LRP1B: variants seen among roughly 807,000 people sequenced by gnomAD.
The protein encoded by LRP1B is LDL receptor related protein 1B, also known as low-density lipoprotein receptor-related protein 1B.
LRP1B carries 217 observed loss-of-function variants against 556.6 expected under a neutral mutation model. The ratio of observed to expected loss-of-function variants is 0.39; its 90% CI spans 0.35 to 0.44. LRP1B has a LOEUF of 0.44. LRP1B is among the 20% of genes least tolerant of loss of function. The pLI, the probability that LRP1B is intolerant of heterozygous loss-of-function variation, is 1.00. For missense variants in LRP1B, 5,053 were observed against 5,620.8 expected (o/e 0.90, Z 3.23); for synonymous variants, 2,047 against 1,865.8 (o/e 1.10, Z -2.50).
intron 25 of LRP1B, among the ~76,000 whole-genome samples, chr2:140,877,238 C>T (rs1164901172): frequency 6.6e-6 from 1 of 152,154 alleles, no homozygotes; most frequent in Non-Finnish European, 1.5e-5. Flanking sequence ...GCATGGACTT[C>T]AGAGTAATGT....
At chr2:140,280,477 G>A (rs544727912) in intron 84 of LRP1B, among the ~76,000 whole-genome samples, 5 of 151,716 alleles carry the variant, frequency 3.3e-5, no homozygotes, top group South Asian at 4.1e-4. Flanking sequence ...TGAACGATGT[G>A]TAATTTGGCT....
chr2:141,004,010 T>C (rs1697499407), intron 15 of LRP1B, among the ~76,000 whole-genome samples: 1 of 152,108 alleles, frequency 6.6e-6, no homozygotes, highest in Non-Finnish European at 1.5e-5. Context: ...TCATATGTCT[T>C]AAATCTTAAA....
intron 66 of LRP1B, among the ~76,000 whole-genome samples, chr2:140,438,789 T>C (rs1156377978): frequency 2.0e-5 from 3 of 152,128 alleles, no homozygotes; most frequent in Admixed American, 6.6e-5. Context: ...AAGAATCTTT[T>C]TGATAACTCA....
chr2:140,478,361 G>T (rs185838417), intron 59 of LRP1B, among the ~76,000 whole-genome samples: 1 of 152,058 alleles, frequency 6.6e-6, no homozygotes, highest in East Asian at 1.9e-4. Context: ...GTGTTAGCCA[G>T]GATGGTCTCG....
At chr2:140,391,885 A>G (rs748474947) in intron 66 of LRP1B, among the ~76,000 whole-genome samples, 2 of 152,134 alleles carry the variant, frequency 1.3e-5, no homozygotes, top group Non-Finnish European at 2.9e-5. Flanking sequence ...ATTTATGCTC[A>G]TCAATCATGC....
At position 141,142,057 on chromosome 2, in the gene LRP1B, T is replaced by C. The variant is rs190300885; in HGVS notation, c.1013+46364A>G. On this transcript the variant is annotated intron_variant, in intron 7 of 90. Transcript: ENST00000389484. ...TACAGTTATTGATTCTCCTAAGGCA[T>C]TGTTTATAAAGGCATCAACAATCTG... Among the ~76,000 whole-genome samples, 338 of 150,126 alleles carry C rather than the reference T, an allele frequency of 2.3e-3. 3 individuals carry two copies. The highest frequency in any genetic ancestry group is 7.5e-3 in the African/African-American group (307 of 40,738).
intron 18 of LRP1B, among the ~76,000 whole-genome samples, 176 bp downstream of exon 18, chr2:140,981,983 CA>C (rs1696783360): frequency 6.6e-6 from 1 of 152,122 alleles, no homozygotes; most frequent in African/African-American, 2.4e-5. Context: ...AGGAATTATT[CA>C]GAAGTTATCA....
chr2:141,115,750 G>A (rs1428716272), intron 7 of LRP1B, among the ~76,000 whole-genome samples: 1 of 151,790 alleles, frequency 6.6e-6, no homozygotes, highest in African/African-American at 2.4e-5. Flanking sequence ...CCAAAGTGCT[G>A]GAATTACAGG....
intron 27 of LRP1B, among the ~76,000 whole-genome samples, chr2:140,859,372 G>C (rs1277254920): frequency 6.6e-6 from 1 of 152,084 alleles, no homozygotes; most frequent in Non-Finnish European, 1.5e-5. Flanking sequence ...GTGAATTAGT[G>C]AGGGAGTATC....
intron 11 of LRP1B, among the ~76,000 whole-genome samples, chr2:141,043,193 A>G (rs1442884888): frequency 6.9e-6 from 1 of 144,724 alleles, no homozygotes; most frequent in East Asian, 2.0e-4. Flanking sequence ...ACAGAGTAAG[A>G]CTCTGTCTCA....
intron 2 of LRP1B, among the ~76,000 whole-genome samples, chr2:141,761,469 C>CT (rs1558858120): frequency 6.6e-6 from 1 of 151,578 alleles, no homozygotes; most frequent in African/African-American, 2.4e-5. Context: ...CACAAATACA[C>CT]TATAAGAAAA....
chr2:140,923,600 T>C (rs1373347120), intron 20 of LRP1B, among the ~76,000 whole-genome samples: 2 of 152,096 alleles, frequency 1.3e-5, no homozygotes, highest in East Asian at 3.9e-4. Context: ...AAGAAGCAAA[T>C]AACCAAAAAC....
At chr2:141,634,712 T>C (rs1689041897) in intron 2 of LRP1B, among the ~76,000 whole-genome samples, 1 of 152,016 alleles carries the variant, frequency 6.6e-6, no homozygotes, top group Non-Finnish European at 1.5e-5. Flanking sequence ...ATATTTTTTA[T>C]ATATTTGTAT....
intron 37 of LRP1B, among the ~76,000 whole-genome samples, chr2:140,704,010 G>C (rs1686739799): frequency 6.6e-6 from 1 of 152,008 alleles, no homozygotes; most frequent in Non-Finnish European, 1.5e-5. Flanking sequence ...TTTTCCTTTG[G>C]GTATATGCCC....
At chr2:140,512,002 T>G (rs1338522164) in intron 51 of LRP1B, among the ~76,000 whole-genome samples, 2 of 152,170 alleles carry the variant, frequency 1.3e-5, no homozygotes, top group Non-Finnish European at 1.5e-5. Flanking sequence ...CTTTTTAGCT[T>G]GAGATGTTTT....
chr2:140,476,398 G>A (rs76935249), intron 59 of LRP1B, among the ~76,000 whole-genome samples: 151 of 151,856 alleles, frequency 9.9e-4, no homozygotes, highest in East Asian at 1.7e-3. Flanking sequence ...AAATAATTTG[G>A]TTTGAAAATA....
chr2:141,825,334 A>G (rs753955885), intron 1 of LRP1B, among the ~76,000 whole-genome samples: 5 of 152,208 alleles, frequency 3.3e-5, no homozygotes, highest in Non-Finnish European at 5.9e-5. Context: ...AGTTTGGAGT[A>G]CTAGAGGCCC....
intron 1 of LRP1B, among the ~76,000 whole-genome samples, chr2:142,064,371 T>C (rs1427667647): frequency 6.6e-6 from 1 of 151,576 alleles, no homozygotes; most frequent in African/African-American, 2.4e-5. Context: ...GGCAACACTG[T>C]GGTTGCATTC....
chr2:140,303,998 C>T (rs530475482), intron 83 of LRP1B, among the ~76,000 whole-genome samples: 83 of 152,126 alleles, frequency 5.5e-4, no homozygotes, highest in Non-Finnish European at 1.0e-3. Flanking sequence ...CTCATCCTTT[C>T]TTATGGCTGC....
Sources: gnomAD v4.1 joint callset for allele counts (sites outside exome capture counted in the v4.1 genomes callset) on GRCh38, gnomAD v4.1.1 for gene constraint, MANE v1.5 for transcripts, NCBI Gene and HGNC (gene_info 2026-07-23, HGNC 2026-07-21) for gene names.